The following AK5 variants were observed in gnomAD, a reference collection of about 807,000 sequenced individuals.
AK5 encodes adenylate kinase isoenzyme 5.
Under a neutral mutation model 69.5 loss-of-function variants are expected in AK5, and 27 were observed. The ratio of observed to expected loss-of-function variants is 0.39; its 90% CI spans 0.29 to 0.54. The LOEUF (loss-of-function observed/expected upper bound fraction) is 0.54, where lower values mean the gene tolerates loss of function less well. AK5 is among the 20% of genes least tolerant of loss of function. The probability of loss-of-function intolerance (pLI) is 0.71; values close to 1 mark genes in which losing one functional copy is unlikely to be tolerated. For missense variants in AK5, 531 were observed against 700.4 expected, an observed-to-expected ratio of 0.76 and a Z score of 2.73; for synonymous variants, 260 against 244.4, an observed-to-expected ratio of 1.06 and a Z score of -0.60.
intron 6 of AK5, among the ~76,000 whole-genome samples, chr1:77,382,437 A>C (rs1247300778): frequency 6.6e-6 from 1 of 152,102 alleles, no homozygotes; most frequent in African/African-American, 2.4e-5. Context: ...TGCAACCTCA[A>C]ACTTCCAGGC....
intron 5 of AK5, among the ~76,000 whole-genome samples, chr1:77,326,367 G>A (rs1660805077): frequency 6.6e-6 from 1 of 151,926 alleles, no homozygotes; most frequent in African/African-American, 2.4e-5. Flanking sequence ...TGAAGTGTTA[G>A]CTTCTTTCAG....
chr1:77,508,025 T>C (rs1243903808), intron 10 of AK5, among the ~76,000 whole-genome samples: 3 of 152,212 alleles, frequency 2.0e-5, no homozygotes, highest in Non-Finnish European at 4.4e-5. Flanking sequence ...TCTTTTTGCA[T>C]GCCAACGTAA....
Position 77,558,892 on chromosome 1 carries a change from A to AGAC in AK5, c.*223_*225dup. 1 of 506,552 alleles carries AGAC rather than the reference A, an allele frequency of 2.0e-6. No individual in the cohort carries two copies. Among genetic ancestry groups the AGAC allele is most frequent in the South Asian group, 2.4e-5 (1 of 41,298 alleles). 31.4% of individuals were successfully genotyped at this position (506,552 alleles called of 1,614,324 possible). Reference sequence around the variant, plus strand: ...TATATCAACCTATTCTCCACACTTCAGACAACTGTCTGCACTCACGGCACA... The same window carrying AGAC: ...TATATCAACCTATTCTCCACACTTCAGACGACAACTGTCTGCACTCACGGCACA... On this transcript the variant is annotated 3_prime_UTR_variant, in exon 14 of 14. Transcript: ENST00000354567.
chr1:77,553,003 G>C (rs1290645976), intron 13 of AK5, among the ~76,000 whole-genome samples: 1 of 152,192 alleles, frequency 6.6e-6, no homozygotes, highest in Non-Finnish European at 1.5e-5. Context: ...TCTCACTACT[G>C]CACTCCAGCC....
At chr1:77,403,423 G>C (rs1490281617) in intron 6 of AK5, among the ~76,000 whole-genome samples, 2 of 151,984 alleles carry the variant, frequency 1.3e-5, no homozygotes, top group African/African-American at 2.4e-5. Flanking sequence ...GGTTTTTATG[G>C]TTTTAGGTCT....
At chr1:77,388,567 T>TTTGTTG (rs3032910) in intron 6 of AK5, among the ~76,000 whole-genome samples, 21 of 151,074 alleles carry the variant, frequency 1.4e-4, no homozygotes, top group East Asian at 3.9e-4. Flanking sequence ...TTTTGGTTGT[T>TTTGTTG]TTGTTGTTGT....
intron 10 of AK5, among the ~76,000 whole-genome samples, chr1:77,500,834 G>A (rs1348669362): frequency 4.6e-5 from 7 of 151,544 alleles, no homozygotes; most frequent in Non-Finnish European, 1.0e-4. Flanking sequence ...ATTATCCATC[G>A]TTGTGATAAG....
At chr1:77,518,098 A>T (rs1159184345) in intron 10 of AK5, among the ~76,000 whole-genome samples, 1 of 152,302 alleles carries the variant, frequency 6.6e-6, no homozygotes, top group Non-Finnish European at 1.5e-5. Flanking sequence ...TTATTTTTTT[A>T]AATTAAAAGC....
intron 6 of AK5, among the ~76,000 whole-genome samples, chr1:77,345,795 AT>A (rs1557514786): frequency 1.3e-5 from 2 of 152,142 alleles, no homozygotes; most frequent in African/African-American, 2.4e-5. Flanking sequence ...TGCATTTCAA[AT>A]TTACCACTGA....
At chr1:77,522,659 C>G (rs1658057016) in intron 12 of AK5, among the ~76,000 whole-genome samples, 1 of 152,102 alleles carries the variant, frequency 6.6e-6, no homozygotes, top group Non-Finnish European at 1.5e-5. Flanking sequence ...CACAGGGGAG[C>G]AGCAGTAAGT....
intron 6 of AK5, among the ~76,000 whole-genome samples, chr1:77,367,720 A>ACG (rs1359005152): frequency 1.1e-4 from 7 of 64,456 alleles, no homozygotes; most frequent in African/African-American, 2.8e-4. Flanking sequence ...TGTTATATAT[A>ACG]ATATATGTTA....
intron 6 of AK5, among the ~76,000 whole-genome samples, chr1:77,398,099 A>G (rs1648951310): frequency 1.3e-5 from 2 of 152,056 alleles, no homozygotes; most frequent in Non-Finnish European, 1.5e-5. Context: ...ATATTTGGCC[A>G]TGGTAGTTAA....
At chr1:77,555,288 A>G (rs1660042309) in intron 13 of AK5, among the ~76,000 whole-genome samples, 1 of 152,168 alleles carries the variant, frequency 6.6e-6, no homozygotes. Flanking sequence ...AAAAAACAAA[A>G]AACAAACAAA....
At chr1:77,554,877 A>G (rs1370714714) in intron 13 of AK5, among the ~76,000 whole-genome samples, 1 of 151,282 alleles carries the variant, frequency 6.6e-6, no homozygotes, top group Non-Finnish European at 1.5e-5. Context: ...TGGCCTCCCA[A>G]AGTGCTGGGA....
At chr1:77,435,212 G>A (rs1651884296) in intron 8 of AK5, among the ~76,000 whole-genome samples, 1 of 152,202 alleles carries the variant, frequency 6.6e-6, no homozygotes, top group Admixed American at 6.5e-5. Context: ...CTCAAATCCT[G>A]TGCTGCAAGA....
chr1:77,444,340 TACACAATATATGTGTATATATA>T (rs2100644190), intron 8 of AK5, among the ~76,000 whole-genome samples: 1 of 64,532 alleles, frequency 1.5e-5, no homozygotes, highest in Non-Finnish European at 2.9e-5. Context: ...ATAGTATATA[TACACAATATATGTGTATATATA>T]GTATAAATAT....
At position 77,521,960 on chromosome 1, in the gene AK5, G is replaced by T. The variant is rs200562161; in HGVS notation, c.1428+17G>T. On this transcript the variant is annotated intron_variant, in intron 12 of 13. Coordinates refer to ENST00000354567, the MANE Select transcript of AK5 (RefSeq NM_174858.3). ...GGACGCAGGGTGAGTGGTTGTTACGGGCATCCTTCCAGAAGAAAAATAGGG... is the reference window on the plus strand; with the variant it reads ...GGACGCAGGGTGAGTGGTTGTTACGTGCATCCTTCCAGAAGAAAAATAGGG... 8.3e-6 allele frequency: 13 copies of T among 1,558,770 alleles called. No homozygotes were observed. The highest frequency in any genetic ancestry group is 1.1e-5 in the Non-Finnish European group (13 of 1,150,584).
chr1:77,290,902 T>C (rs1658650562), intron 2 of AK5, among the ~76,000 whole-genome samples: 1 of 152,178 alleles, frequency 6.6e-6, no homozygotes, highest in South Asian at 2.1e-4. Flanking sequence ...AGTAGAAATA[T>C]AAGCAGGAGC....
At position 77,467,519 on chromosome 1, in the gene AK5, A is replaced by G. The variant is rs140388227; in HGVS notation, c.1060-15798A>G. Among the ~76,000 whole-genome samples, 1,010 of 152,328 alleles carry G rather than the reference A, an allele frequency of 6.6e-3. 18 individuals carry two copies. Among genetic ancestry groups the G allele is most frequent in the Non-Finnish European group, 9.3e-3 (632 of 68,036 alleles). On this transcript the variant is annotated intron_variant, in intron 8 of 13. Transcript: ENST00000354567. ...AAGATAAAAACTGTTTTGAGCATAA[A>G]ATAGTTATTTTACAGTCCACTTAGT...
Sources: gnomAD v4.1 joint callset for allele counts (sites outside exome capture counted in the v4.1 genomes callset) on GRCh38, gnomAD v4.1.1 for gene constraint, MANE v1.5 for transcripts, NCBI Gene and HGNC (gene_info 2026-07-23, HGNC 2026-07-21) for gene names.